Variants in USP8 observed in about 807,000 individuals in gnomAD.
The protein encoded by USP8 is ubiquitin carboxyl-terminal hydrolase 8.
USP8 carries 27 observed loss-of-function variants against 130.0 expected under a neutral mutation model. The ratio of observed to expected loss-of-function variants is 0.21; its 90% CI spans 0.15 to 0.29. The LOEUF is 0.29. Among genes scored for constraint, USP8 ranks in the 10% least tolerant of loss-of-function variants. USP8 has a pLI of 1.00. For synonymous variants in USP8, 392 were observed against 444.1 expected, an observed-to-expected ratio of 0.88 and a Z score of 1.48; for missense variants, 1,029 against 1,312.2, an observed-to-expected ratio of 0.78 and a Z score of 3.33.
At chr15:50,449,308 T>C (rs879411521) in intron 3 of USP8, 92 bp from the exon 4 acceptor site, 8 of 711,608 alleles carry the variant, frequency 1.1e-5, no homozygotes, top group Non-Finnish European at 1.7e-5. Flanking sequence ...AACTTCCCTT[T>C]ATATAAGCAC....
chr15:50,470,359 C>T (rs912940660), intron 7 of USP8, among the ~76,000 whole-genome samples: 1 of 152,048 alleles, frequency 6.6e-6, no homozygotes, highest in African/African-American at 2.4e-5. Flanking sequence ...TTTAGAAAGG[C>T]CTCACAGAGA....
chr15:50,506,261 A>C lies in USP8; in HGVS notation c.*7173A>C, dbSNP rs2052656609. The C allele has an allele frequency of 6.6e-6, 1 of 152,300 alleles. No homozygotes were observed. The highest frequency in any genetic ancestry group is 1.5e-5 in the Non-Finnish European group (1 of 68,122). The allele number at this position is 152,300 out of a possible 1,614,324, so 9.4% of individuals were successfully genotyped here. A position where few individuals can be genotyped will look rare whatever the true frequency, so the allele number is the denominator to read the frequency against. ...CCTGACCTGTTCAGGACCTGGCTGC[A>C]CAGCAGGAAGCGAGCGGCAAACCTA... On this transcript the variant is annotated 3_prime_UTR_variant, in exon 20 of 20. Transcript: ENST00000307179.
chr15:50,477,145 T>G, intron 9 of USP8, 131 bp from the exon 10 acceptor site: 1 of 1,329,058 alleles, frequency 7.5e-7, no homozygotes, highest in South Asian at 1.4e-5. Context: ...AGTTCACATT[T>G]TCTTTAAGAC....
At chr15:50,461,405 G>A (rs929658623) in intron 5 of USP8, among the ~76,000 whole-genome samples, 1 of 144,490 alleles carries the variant, frequency 6.9e-6, no homozygotes, top group Non-Finnish European at 1.5e-5. Context: ...CCAGGCTGCA[G>A]TGATCATGCA....
chr15:50,451,546 T>A (rs1231486856), intron 4 of USP8, among the ~76,000 whole-genome samples: 1 of 152,356 alleles, frequency 6.6e-6, no homozygotes, highest in East Asian at 1.9e-4. Context: ...AAATAACCTC[T>A]GGGTCCTTTC....
At position 50,459,915 on chromosome 15, in the gene USP8, G is replaced by A. The variant is rs555940405; in HGVS notation, c.498+753G>A. ...AGTATACTACTTTGTTTGGTACCAAGCCTTTTATCTGTTTCTGAGGTCTCA... is the reference window on the plus strand; with the variant it reads ...AGTATACTACTTTGTTTGGTACCAAACCTTTTATCTGTTTCTGAGGTCTCA... On this transcript the variant is annotated intron_variant, in intron 5 of 19. Transcript: ENST00000307179. Among the ~76,000 whole-genome samples the A allele has an allele frequency of 9.3e-5, 14 of 150,726 alleles. No individual in the cohort carries two copies. The South Asian group carries it at 2.9e-3, about 31-fold the overall frequency.
chr15:50,463,581 A>G (rs2141283378), intron 6 of USP8: 1 of 152,336 alleles, frequency 6.6e-6, no homozygotes, highest in Middle Eastern at 3.4e-3. Context: ...AAAAGCTGTT[A>G]CTGATTCATT....
chr15:50,442,274 C>T (rs1191290463), intron 3 of USP8, among the ~76,000 whole-genome samples: 1 of 151,994 alleles, frequency 6.6e-6, no homozygotes, highest in African/African-American at 2.4e-5. Flanking sequence ...GCATCCAGCC[C>T]ACTCACCAAA....
chr15:50,449,752 T>C (rs951546316), intron 4 of USP8, among the ~76,000 whole-genome samples: 1 of 150,950 alleles, frequency 6.6e-6, no homozygotes, highest in African/African-American at 2.4e-5. Context: ...CGGCTAATTT[T>C]TTGTATTTTT....
At chr15:50,447,550 T>G (rs1046615278) in intron 3 of USP8, among the ~76,000 whole-genome samples, 8 of 148,824 alleles carry the variant, frequency 5.4e-5, no homozygotes, top group African/African-American at 2.0e-4. Context: ...CTACTGTTAG[T>G]TTTTTTTTTC....
intron 18 of USP8, 123 bp downstream of exon 18, chr15:50,497,354 C>A: frequency 8.1e-7 from 1 of 1,236,200 alleles, no homozygotes; most frequent in Non-Finnish European, 1.1e-6. Flanking sequence ...TATCTGGTTA[C>A]AGTAGATCTA....
intron 12 of USP8, among the ~76,000 whole-genome samples, chr15:50,485,363 T>A (rs763831244): frequency 1.2e-4 from 18 of 148,912 alleles, no homozygotes; most frequent in Non-Finnish European, 2.5e-4. Flanking sequence ...GGCAGGAGAA[T>A]GGCATGAACC....
At position 50,441,451 on chromosome 15, in the gene USP8, T is replaced by TTATA. The variant is rs1367318685; in HGVS notation, c.208_211dup (p.Asn71IlefsTer2). The TTATA allele has an allele frequency of 6.3e-7, 1 of 1,583,982 alleles. No homozygotes were observed. Among genetic ancestry groups the TTATA allele is most frequent in the Non-Finnish European group, 8.5e-7 (1 of 1,171,056 alleles). Reference sequence around the variant, plus strand: ...TACTATATATGAAATACGTGACTGTTTATAATCTTATCAAAAAAAGACCTG... The same window carrying TTATA: ...TACTATATATGAAATACGTGACTGTTTATATATAATCTTATCAAAAAAAGACCTG... On this transcript the variant is annotated frameshift_variant, in exon 3 of 20. Coordinates refer to ENST00000307179, the MANE Select transcript of USP8 (RefSeq NM_005154.5). LOFTEE classifies it high-confidence loss of function.
At chr15:50,460,967 G>T (rs2050975934) in intron 5 of USP8, among the ~76,000 whole-genome samples, 1 of 151,608 alleles carries the variant, frequency 6.6e-6, no homozygotes, top group East Asian at 2.0e-4. Flanking sequence ...GACCAGCCTG[G>T]GCAACATGGA....
intron 4 of USP8, 39 bp from the exon 5 acceptor site, chr15:50,458,961 C>T (rs757659088): frequency 2.5e-5 from 40 of 1,607,238 alleles, no homozygotes; most frequent in East Asian, 6.7e-5. Context: ...CCACGATTAA[C>T]GCCAATAAAA....
rs188311995 is a variant in USP8, at chr15:50,503,950, T to C, written c.*4862T>C. ...AAGCAGAGGCTACAAATAAAGTATA[T>C]TTAAATATATTTAGAAGAAGGAAAC... On this transcript the variant is annotated 3_prime_UTR_variant, in exon 20 of 20. Coordinates refer to ENST00000307179, the MANE Select transcript of USP8 (RefSeq NM_005154.5). 1 of 152,268 alleles carries C rather than the reference T, an allele frequency of 6.6e-6. No individual in the cohort carries two copies. The highest frequency in any genetic ancestry group is 1.5e-5 in the Non-Finnish European group (1 of 68,028). 9.4% of individuals were successfully genotyped at this position (152,268 alleles called of 1,614,324 possible).
chr15:50,436,844 A>G (rs536557977), intron 1 of USP8, among the ~76,000 whole-genome samples: 121 of 151,832 alleles, frequency 8.0e-4, no homozygotes, highest in Middle Eastern at 3.4e-3. Context: ...TAATTTTTGT[A>G]TTTTTAGTAG....
chr15:50,450,724 G>A (rs1012198967), intron 4 of USP8, among the ~76,000 whole-genome samples: 2 of 151,928 alleles, frequency 1.3e-5, no homozygotes, highest in African/African-American at 4.8e-5. Flanking sequence ...GCCTGCCTCG[G>A]CCTCCCAAAG....
At chr15:50,493,897 G>A in intron 15 of USP8, 173 bp from the exon 16 acceptor site, 2 of 832,548 alleles carry the variant, frequency 2.4e-6, no homozygotes, top group Non-Finnish European at 4.1e-6. Flanking sequence ...CTGAAGGGAT[G>A]TAAGCAAGTC....
Sources: allele counts gnomAD v4.1 joint callset (sites outside exome capture counted in the v4.1 genomes callset), GRCh38; gene constraint gnomAD v4.1.1; transcripts MANE v1.5; gene names NCBI Gene and HGNC (gene_info 2026-07-23, HGNC 2026-07-21).